Variants in VAV2 observed in about 807,000 individuals in gnomAD.
VAV2 encodes the protein vav guanine nucleotide exchange factor 2, also known as guanine nucleotide exchange factor VAV2.
A neutral mutation model predicts 132.5 loss-of-function variants in VAV2; 67 were observed. The observed-to-expected ratio is 0.51, with a 90% CI of 0.42 to 0.62. The LOEUF is 0.62. VAV2 is among the 20% of genes least tolerant of loss of function. The pLI is 0.00. For synonymous variants in VAV2, 492 were observed against 443.5 expected, an observed-to-expected ratio of 1.11 and a Z score of -1.37; for missense variants, 938 against 1,153.6, an observed-to-expected ratio of 0.81 and a Z score of 2.71.
intron 13 of VAV2, among the ~76,000 whole-genome samples, chr9:133,789,708 C>A (rs1834375826): frequency 6.6e-6 from 1 of 152,094 alleles, no homozygotes; most frequent in Non-Finnish European, 1.5e-5. Context: ...GCCCCACGTT[C>A]AGGAGAGAAC....
intron 1 of VAV2, among the ~76,000 whole-genome samples, chr9:133,972,823 G>T (rs1178411046): frequency 6.6e-6 from 1 of 150,694 alleles, no homozygotes; most frequent in Non-Finnish European, 1.5e-5. Flanking sequence ...CAAGGCCCAG[G>T]CATGATGCAG....
At chr9:133,775,772 G>A (rs1276802516) in intron 24 of VAV2, among the ~76,000 whole-genome samples, 1 of 152,256 alleles carries the variant, frequency 6.6e-6, no homozygotes, top group Non-Finnish European at 1.5e-5. Flanking sequence ...TGAAATATCT[G>A]AGCCAGTTGA....
intron 24 of VAV2, among the ~76,000 whole-genome samples, chr9:133,775,321 C>A (rs780373596): frequency 3.9e-5 from 6 of 152,124 alleles, no homozygotes; most frequent in African/African-American, 9.7e-5. Context: ...ACTGTGGCCA[C>A]CAGCCAGTCC....
chr9:133,809,739 GTGGCCGGGACAGGAT>G (rs1835290375), intron 6 of VAV2, among the ~76,000 whole-genome samples: 1 of 152,264 alleles, frequency 6.6e-6, no homozygotes. Flanking sequence ...CTGGTGGAAT[GTGGCCGGGACAGGAT>G]TAGAGATTGC....
At chr9:133,810,240 G>A (rs770308385) in intron 5 of VAV2, 35 bp from the exon 6 acceptor site, 11 of 1,612,492 alleles carry the variant, frequency 6.8e-6, no homozygotes, top group Admixed American at 6.7e-5. Flanking sequence ...AAACAGCGCC[G>A]GTTAGCAGGG....
At position 133,892,517 on chromosome 9, in the gene VAV2, G is replaced by A. The variant is rs941574171; in HGVS notation, c.322-31085C>T. On this transcript the variant is annotated intron_variant, in intron 2 of 29. Transcript: ENST00000371850. ...AGTCACTTGGCCAAGATCATCCCAG[G>A]GGTCAGCAAAAATCAATCTGCATCA... Among the ~76,000 whole-genome samples, 3 of 151,992 alleles carry A rather than the reference G, an allele frequency of 2.0e-5. No homozygotes were observed. The South Asian group carries it at 6.2e-4, about 31-fold the overall frequency.
intron 4 of VAV2, among the ~76,000 whole-genome samples, chr9:133,816,121 T>C (rs964667506): frequency 6.6e-6 from 1 of 152,230 alleles, no homozygotes; most frequent in Non-Finnish European, 1.5e-5. Flanking sequence ...GCGTCCTTAC[T>C]GTATACCTTC....
chr9:133,796,725 C>T (rs1006567346), intron 10 of VAV2, among the ~76,000 whole-genome samples: 3 of 152,188 alleles, frequency 2.0e-5, no homozygotes, highest in African/African-American at 7.2e-5. Flanking sequence ...ATGGCTCCCA[C>T]CCTGCCGTGT....
chr9:133,905,995 G>A (rs972792249), intron 2 of VAV2, among the ~76,000 whole-genome samples: 6 of 152,110 alleles, frequency 3.9e-5, no homozygotes, highest in South Asian at 2.1e-4. Context: ...AGCCATGATC[G>A]CGCCACTGAA....
At chr9:133,814,282 T>A (rs1835471018) in intron 4 of VAV2, among the ~76,000 whole-genome samples, 1 of 152,226 alleles carries the variant, frequency 6.6e-6, no homozygotes, top group African/African-American at 2.4e-5. Context: ...CCTCTCCAGA[T>A]GCTGTCCCCA....
At chr9:133,927,324 C>A (rs1428776794) in intron 2 of VAV2, among the ~76,000 whole-genome samples, 1 of 152,184 alleles carries the variant, frequency 6.6e-6, no homozygotes, top group Admixed American at 6.5e-5. Flanking sequence ...TCAGCCACTA[C>A]CAATCGATCA....
At chr9:133,785,287 G>A (rs991257038) in intron 17 of VAV2, among the ~76,000 whole-genome samples, 3 of 152,174 alleles carry the variant, frequency 2.0e-5, no homozygotes, top group African/African-American at 4.8e-5. Flanking sequence ...TCCGTGTTCC[G>A]GGAACCCGTT....
At position 133,784,287 on chromosome 9, in the gene VAV2, G is replaced by A. The variant is rs749529193; in HGVS notation, c.1634+30C>T. 164 of 1,605,448 alleles carry A rather than the reference G, an allele frequency of 1.0e-4. No individual in the cohort carries two copies. The Admixed American group carries it at 2.7e-3, about 26-fold the overall frequency. On this transcript the variant is annotated intron_variant, in intron 18 of 29. Transcript: ENST00000371850. ...GGGCCTGGGCTGGGCGTGGAGCGAG[G>A]TGAGGGCTGTAGCAGGGGGTTTCCC...
chr9:133,904,436 C>T (rs572218132), intron 2 of VAV2, among the ~76,000 whole-genome samples: 1 of 152,362 alleles, frequency 6.6e-6, no homozygotes, highest in East Asian at 1.9e-4. Context: ...GAAATTCAAA[C>T]CAGGAAGCAC....
At chr9:133,896,539 G>A (rs1447065691) in intron 2 of VAV2, among the ~76,000 whole-genome samples, 2 of 152,168 alleles carry the variant, frequency 1.3e-5, no homozygotes, top group African/African-American at 2.4e-5. Flanking sequence ...AGCCACTCTC[G>A]CAGCGTCAGA....
intron 2 of VAV2, among the ~76,000 whole-genome samples, chr9:133,896,280 C>A (rs879695860): frequency 2.0e-5 from 3 of 152,098 alleles, no homozygotes; most frequent in East Asian, 1.9e-4. Flanking sequence ...ACAATGAAAC[C>A]CCGCCTCTAC....
intron 13 of VAV2, 62 bp from the exon 14 acceptor site, chr9:133,789,405 C>A: frequency 1.9e-6 from 3 of 1,540,572 alleles, no homozygotes; most frequent in Non-Finnish European, 2.7e-6. Flanking sequence ...CCTGACCGCA[C>A]GGGCAGGGCA....
chr9:133,764,040 A>G lies in VAV2; in HGVS notation c.*22T>C. On this transcript the variant is annotated 3_prime_UTR_variant, in exon 30 of 30. Coordinates refer to ENST00000371850, the MANE Select transcript of VAV2 (RefSeq NM_001134398.2). Reference sequence around the variant, plus strand: ...AGTGACTCTCCCAAGAAAATCTGCGAGTCTTGTCCACGTTCCTGCCGTCAC... The same window carrying G: ...AGTGACTCTCCCAAGAAAATCTGCGGGTCTTGTCCACGTTCCTGCCGTCAC... 11 of 1,614,034 alleles carry G rather than the reference A, an allele frequency of 6.8e-6. No homozygotes were observed. The highest frequency in any genetic ancestry group is 9.3e-6 in the Non-Finnish European group (11 of 1,179,968).
chr9:133,898,581 G>A (rs556933641), intron 2 of VAV2, among the ~76,000 whole-genome samples: 9 of 152,166 alleles, frequency 5.9e-5, no homozygotes, highest in African/African-American at 1.9e-4. Flanking sequence ...GCGACACAGC[G>A]AGACTCTGCC....
Sources: gnomAD v4.1 joint callset for allele counts (sites outside exome capture counted in the v4.1 genomes callset) on GRCh38, gnomAD v4.1.1 for gene constraint, MANE v1.5 for transcripts, NCBI Gene and HGNC (gene_info 2026-07-23, HGNC 2026-07-21) for gene names.